Variants in ATP1A4 observed in about 807,000 individuals in gnomAD.
The protein encoded by ATP1A4 is sodium/potassium-transporting ATPase subunit alpha-4.
Under a neutral mutation model 114.3 loss-of-function variants are expected in ATP1A4, and 90 were observed. That is an observed-to-expected ratio of 0.79 (90% CI 0.66 to 0.94). ATP1A4 has a LOEUF of 0.94. Ranked by LOEUF, ATP1A4 falls within the 40% of genes least tolerant of loss-of-function variation. The pLI, the probability that ATP1A4 is intolerant of heterozygous loss-of-function variation, is 0.00. For missense variants in ATP1A4, 1,222 were observed against 1,313.6 expected, an observed-to-expected ratio of 0.93 and a Z score of 1.08; for synonymous variants, 511 against 494.1, an observed-to-expected ratio of 1.03 and a Z score of -0.45.
chr1:160,164,120 A>T, intron 6 of ATP1A4, 36 bp from the exon 7 acceptor site: 1 of 1,605,268 alleles, frequency 6.2e-7, no homozygotes, highest in Non-Finnish European at 8.5e-7. Context: ...TTATCATATC[A>T]CAACATCACA....
chr1:160,186,432 C>G (rs1298837551), intron 21 of ATP1A4, 65 bp downstream of exon 21: 4 of 1,288,648 alleles, frequency 3.1e-6, no homozygotes, highest in Non-Finnish European at 4.4e-6. Context: ...CTCTCCCATC[C>G]CACCTAGTCC....
At chr1:160,171,825 C>T (rs971121619) in intron 12 of ATP1A4, 68 bp downstream of exon 12, 42 of 1,508,976 alleles carry the variant, frequency 2.8e-5, no homozygotes, top group East Asian at 1.6e-4. Context: ...GAAGGCCTTG[C>T]GCAGAGTAGA....
chr1:160,165,930 G>A (rs1323748812), intron 7 of ATP1A4, among the ~76,000 whole-genome samples: 1 of 152,042 alleles, frequency 6.6e-6, no homozygotes, highest in African/African-American at 2.4e-5. Flanking sequence ...AATATTCCAG[G>A]GGGGAATAAA....
Position 160,153,986 on chromosome 1 carries a change from C to G in ATP1A4, c.207+762C>G, listed in dbSNP as rs114123008. Reference sequence around the variant, plus strand: ...CAGGTTCTACTATCATTTTCATTAACAGGAAAAAGCACATAAGCTTGTGCA... The same window carrying G: ...CAGGTTCTACTATCATTTTCATTAAGAGGAAAAAGCACATAAGCTTGTGCA... On this transcript the variant is annotated intron_variant, in intron 2 of 21. Transcript: ENST00000368081. 9.2e-3 allele frequency among the ~76,000 whole-genome samples: 1,396 copies of G among 152,198 alleles called. 12 individuals are homozygous for G. The highest frequency in any genetic ancestry group is 0.02 in the Middle Eastern group (6 of 294).
Position 160,151,933 on chromosome 1 carries a change from T to C in ATP1A4, c.-108T>C, listed in dbSNP as rs113578898. The C allele has an allele frequency of 4.9e-4, 632 of 1,303,080 alleles. 8 individuals carry two copies. The African/African-American group carries it at 7.3e-3, about 15-fold the overall frequency. The allele number at this position is 1,303,080 out of a possible 1,614,324, so 80.7% of individuals were successfully genotyped here. A position where few individuals can be genotyped will look rare whatever the true frequency, so the allele number is the denominator to read the frequency against. On this transcript the variant is annotated 5_prime_UTR_variant, in exon 1 of 22. Coordinates refer to ENST00000368081, the MANE Select transcript of ATP1A4 (RefSeq NM_144699.4). ...TGCTCCCTCATTCTCTCCCCACCACTCTCTTCTCGTGGCCCCCTTGCCCGC... is the reference window on the plus strand; with the variant it reads ...TGCTCCCTCATTCTCTCCCCACCACCCTCTTCTCGTGGCCCCCTTGCCCGC...
intron 3 of ATP1A4, among the ~76,000 whole-genome samples, chr1:160,155,795 C>T (rs933869264): frequency 2.6e-5 from 4 of 152,188 alleles, no homozygotes; most frequent in Non-Finnish European, 5.9e-5. Flanking sequence ...GATTAGCCTT[C>T]CTGGAGAGAA....
intron 10 of ATP1A4, 35 bp downstream of exon 10, chr1:160,167,447 G>C: frequency 6.2e-7 from 1 of 1,607,166 alleles, no homozygotes; most frequent in East Asian, 2.2e-5. Context: ...AATGGTGGTG[G>C]GGGGATGGGC....
In ATP1A4 at chr1:160,161,484, A is replaced by G. The variant is rs527619865; in HGVS notation, c.778+1958A>G. Among the ~76,000 whole-genome samples, 266 of 152,276 alleles carry G rather than the reference A, an allele frequency of 1.7e-3. 1 individual carries two copies. The highest frequency in any genetic ancestry group is 6.2e-3 in the African/African-American group (256 of 41,546). ...CTTCCCTGAGGTTGACATCAACCCA[A>G]CCCCATCTCTAGACACACTGAGATT... On this transcript the variant is annotated intron_variant, in intron 6 of 21. Coordinates refer to ENST00000368081, the MANE Select transcript of ATP1A4 (RefSeq NM_144699.4).
At position 160,176,555 on chromosome 1, in the gene ATP1A4, A is replaced by T; in HGVS notation, c.2543A>T (p.Asp848Val). The T allele has an allele frequency of 6.2e-7, 1 of 1,614,212 alleles. No homozygotes were observed. The highest frequency in any genetic ancestry group is 2.2e-5 in the East Asian group (1 of 44,882). Residue 848 changes from aspartate (D) to valine (V), a missense_variant, in exon 17 of 22, where the codon GAT (aspartate) becomes GTT (valine). Asp to Val is a radical substitution (Grantham distance 152). Coordinates refer to ENST00000368081, the MANE Select transcript of ATP1A4 (RefSeq NM_144699.4). The part of the protein sequence containing the change: ...MKRLPRNPKT[D>V]NLVNHRLIGM... Reference sequence around the variant, plus strand: ...AGGCTTCCAAGGAACCCAAAGACGGATAATCTGGTGAACCACCGTCTCATT... The same window carrying T: ...AGGCTTCCAAGGAACCCAAAGACGGTTAATCTGGTGAACCACCGTCTCATT...
chr1:160,181,572 A>T, intron 18 of ATP1A4, 112 bp from the exon 19 acceptor site: 2 of 1,153,486 alleles, frequency 1.7e-6, no homozygotes, highest in Non-Finnish European at 2.4e-6. Context: ...AAAAAAAAAA[A>T]GAATGAGGAC....
At chr1:160,180,695 T>C (rs1051160877) in intron 18 of ATP1A4, among the ~76,000 whole-genome samples, 1 of 1,480 alleles carries the variant, frequency 6.8e-4, no homozygotes, top group Non-Finnish European at 1.8e-3. Context: ...CCTTCTTCCC[T>C]TTTTTTTTTT....
In ATP1A4 at chr1:160,186,735, T is replaced by A. The variant is rs774050411; in HGVS notation, c.*36T>A. On this transcript the variant is annotated 3_prime_UTR_variant, in exon 22 of 22. Transcript: ENST00000368081. Reference sequence around the variant, plus strand: ...TGAAGAGCTTCATGTGACACAGGGGTGTTGTGAGAGCTGGGATGGGGCCAG... The same window carrying A: ...TGAAGAGCTTCATGTGACACAGGGGAGTTGTGAGAGCTGGGATGGGGCCAG... The A allele has an allele frequency of 6.2e-7, 1 of 1,602,436 alleles. No homozygotes were observed. The highest frequency in any genetic ancestry group is 2.2e-5 in the East Asian group (1 of 44,590).
chr1:160,170,569 G>A (rs1653209925), intron 10 of ATP1A4: 1 of 147,386 alleles, frequency 6.8e-6, no homozygotes, highest in South Asian at 2.1e-4. Context: ...CCAGAACACA[G>A]GTCTTTGGAC....
chr1:160,176,722 C>A, intron 17 of ATP1A4, 120 bp downstream of exon 17: 1 of 1,349,620 alleles, frequency 7.4e-7, no homozygotes, highest in Non-Finnish European at 1.0e-6. Context: ...TGTGCTAGGC[C>A]CTGAAAACAC....
At position 160,171,763 on chromosome 1, in the gene ATP1A4, T is replaced by C. The variant is rs1230644440; in HGVS notation, c.1854+6T>C. On this transcript the variant is annotated splice_donor_region_variant and intron_variant, in intron 12 of 21. Coordinates refer to ENST00000368081, the MANE Select transcript of ATP1A4 (RefSeq NM_144699.4). ...GTCGCAGTGCAGGAATTAAGGTAAA[T>C]ACTTGCCCAGACCAGGAGCCCCTCA... 6.2e-7 allele frequency: 1 copy of C among 1,613,230 alleles called. No homozygotes were observed. The highest frequency in any genetic ancestry group is 8.5e-7 in the Non-Finnish European group (1 of 1,179,498).
chr1:160,176,589 C>G lies in ATP1A4; in HGVS notation c.2577C>G (p.Ala859=). The change falls in exon 17 of 22, where the codon GCC becomes GCG. Residue 859 remains alanine, a synonymous_variant. Transcript: ENST00000368081. ...TGAACCACCGTCTCATTGGCATGGCCTATGGACAGATTGGTGCGCCCAGAG... is the reference window on the plus strand; with the variant it reads ...TGAACCACCGTCTCATTGGCATGGCGTATGGACAGATTGGTGCGCCCAGAG... ...NLVNHRLIGM[A]YGQIGMIQAL... 6.2e-7 allele frequency: 1 copy of G among 1,614,064 alleles called. No individual in the cohort carries two copies. The highest frequency in any genetic ancestry group is 8.5e-7 in the Non-Finnish European group (1 of 1,179,994).
At position 160,155,171 on chromosome 1, in the gene ATP1A4, C is replaced by CT; in HGVS notation, c.335dup (p.Trp113MetfsTer19). The stretch of plus-strand genomic sequence containing the variant: ...ACTGTTCGGAGGCTTCTCCCTCCTA[C>CT]TATGGACTGGGGCCATTCTCTGCTT... On this transcript the variant is annotated frameshift_variant, in exon 3 of 22. Coordinates refer to ENST00000368081, the MANE Select transcript of ATP1A4 (RefSeq NM_144699.4). LOFTEE classifies it high-confidence loss of function. 1 of 1,613,726 alleles carries CT rather than the reference C, an allele frequency of 6.2e-7. No homozygotes were observed. Among genetic ancestry groups the CT allele is most frequent in the Non-Finnish European group, 8.5e-7 (1 of 1,179,912 alleles).
intron 18 of ATP1A4, among the ~76,000 whole-genome samples, chr1:160,178,695 C>A (rs1653576139): frequency 6.6e-6 from 1 of 152,058 alleles, no homozygotes; most frequent in South Asian, 2.1e-4. Flanking sequence ...AAAACAAAAC[C>A]CTGAAAACCT....
chr1:160,180,452 A>G (rs80301428), intron 18 of ATP1A4, among the ~76,000 whole-genome samples: 4,372 of 152,216 alleles, frequency 0.029, 85 homozygotes, highest in East Asian at 0.085. Context: ...GTGTTCCCAT[A>G]GCCCTCTGCA....
Sources: allele counts gnomAD v4.1 joint callset (sites outside exome capture counted in the v4.1 genomes callset), GRCh38; gene constraint gnomAD v4.1.1; transcripts MANE v1.5; gene names NCBI Gene and HGNC (gene_info 2026-07-23, HGNC 2026-07-21).